The following PVT1 variants were observed in gnomAD, a reference collection of about 807,000 sequenced individuals.
The protein encoded by PVT1 is Pvt1 oncogene, also known as CXCR4/PVT1 fusion.
chr8:127,984,833 T>C (rs1816926186), intron 3 of PVT1, among the ~76,000 whole-genome samples: 1 of 120,994 alleles, frequency 8.3e-6, no homozygotes, highest in South Asian at 3.5e-4. Flanking sequence ...GTTTCTTTCT[T>C]TTCTTTTCTT....
intron 4 of PVT1, among the ~76,000 whole-genome samples, chr8:128,024,839 G>T (rs1216154300): frequency 6.8e-6 from 1 of 146,718 alleles, no homozygotes; most frequent in Non-Finnish European, 1.5e-5. Context: ...CTAGCTGCAG[G>T]TGTGCCATCT....
At chr8:128,053,234 G>A (rs2130108481) in intron 4 of PVT1, among the ~76,000 whole-genome samples, 1 of 152,170 alleles carries the variant, frequency 6.6e-6, no homozygotes, top group East Asian at 1.9e-4. Flanking sequence ...TCTTGGTTTT[G>A]TTAGATCAAC....
intron 5 of PVT1, among the ~76,000 whole-genome samples, chr8:128,072,890 G>A (rs998397615): frequency 1.3e-5 from 2 of 151,940 alleles, no homozygotes; most frequent in African/African-American, 2.4e-5. Flanking sequence ...TTGGAGTACA[G>A]TGGTGCAATC....
At chr8:127,868,968 A>T (rs914922744) in intron 2 of PVT1, among the ~76,000 whole-genome samples, 1 of 151,258 alleles carries the variant, frequency 6.6e-6, no homozygotes, top group South Asian at 2.1e-4. Flanking sequence ...GTCAATAACA[A>T]GTAGCTTAAG....
intron 4 of PVT1, among the ~76,000 whole-genome samples, chr8:128,062,855 C>T (rs937104853): frequency 2.6e-5 from 4 of 152,188 alleles, no homozygotes; most frequent in Non-Finnish European, 4.4e-5. Context: ...TTCCTTCTCC[C>T]ATCCCTCCTG....
Position 127,951,357 on chromosome 8 carries a change from G to T in PVT1, n.783-37805G>T, listed in dbSNP as rs984703563. On this transcript the variant is annotated intron_variant and non_coding_transcript_variant, in intron 3 of 10. Transcript: ENST00000651587. Reference sequence around the variant, plus strand: ...CAGCAGTGTCCACAGCCGTGTTGTTGTCATACCCGTGCACTAGCAGAGAGC... The same window carrying T: ...CAGCAGTGTCCACAGCCGTGTTGTTTTCATACCCGTGCACTAGCAGAGAGC... 3.3e-5 allele frequency among the ~76,000 whole-genome samples: 5 copies of T among 152,202 alleles called. No homozygotes were observed. The South Asian group carries it at 1.0e-3, about 31-fold the overall frequency.
At chr8:128,025,235 C>T (rs1183744581) in intron 4 of PVT1, among the ~76,000 whole-genome samples, 1 of 152,160 alleles carries the variant, frequency 6.6e-6, no homozygotes, top group Non-Finnish European at 1.5e-5. Flanking sequence ...AAGCAGGATG[C>T]CTTCCGTCAT....
chr8:127,899,389 G>A (rs1296944697), intron 3 of PVT1, among the ~76,000 whole-genome samples: 3 of 152,170 alleles, frequency 2.0e-5, no homozygotes, highest in African/African-American at 7.2e-5. Flanking sequence ...ATTTAAATTT[G>A]GAAGTCAGAC....
At chr8:127,883,373 A>G (rs777616972) in intron 2 of PVT1, among the ~76,000 whole-genome samples, 1 of 152,176 alleles carries the variant, frequency 6.6e-6, no homozygotes, top group Non-Finnish European at 1.5e-5. Flanking sequence ...GGTGTTGGGT[A>G]GGGAATAGAC....
intron 4 of PVT1, chr8:128,008,819 C>A: frequency 4.5e-6 from 2 of 440,822 alleles, no homozygotes; most frequent in Non-Finnish European, 5.1e-6. Flanking sequence ...GGGCTCCCTG[C>A]AGGTTGGGGC....
chr8:127,801,389 G>A (rs1369436562), intron 2 of PVT1, among the ~76,000 whole-genome samples: 1 of 151,854 alleles, frequency 6.6e-6, no homozygotes, highest in East Asian at 1.9e-4. Context: ...TTACAGGTGC[G>A]TGCCACCACG....
intron 2 of PVT1, among the ~76,000 whole-genome samples, chr8:127,848,948 C>T (rs1319461939): frequency 2.0e-5 from 3 of 152,140 alleles, no homozygotes; most frequent in East Asian, 3.9e-4. Flanking sequence ...GTGTGGACCA[C>T]GCTGAAGGGA....
chr8:127,803,407 G>A (rs1814491202), intron 2 of PVT1: 3 of 152,248 alleles, frequency 2.0e-5, no homozygotes, highest in South Asian at 4.1e-4. Context: ...GGGATTACAG[G>A]CGTGAGCCGC....
At chr8:127,973,698 G>A (rs1297392386) in intron 3 of PVT1, among the ~76,000 whole-genome samples, 1 of 151,444 alleles carries the variant, frequency 6.6e-6, no homozygotes, top group Non-Finnish European at 1.5e-5. Flanking sequence ...AAAAAAGAAG[G>A]CCAAACACGG....
chr8:128,066,907 C>A (rs896184647), intron 4 of PVT1, among the ~76,000 whole-genome samples: 1 of 152,188 alleles, frequency 6.6e-6, no homozygotes, highest in Non-Finnish European at 1.5e-5. Flanking sequence ...CACACCCTCC[C>A]TCAGGGGACT....
intron 2 of PVT1, among the ~76,000 whole-genome samples, chr8:127,872,549 T>C (rs922147170): frequency 3.3e-5 from 5 of 152,302 alleles, no homozygotes; most frequent in African/African-American, 1.2e-4. Context: ...AAATATCTCA[T>C]GTACCCTATA....
intron 2 of PVT1, among the ~76,000 whole-genome samples, chr8:127,865,371 G>T (rs1403555417): frequency 6.6e-6 from 1 of 152,150 alleles, no homozygotes; most frequent in Non-Finnish European, 1.5e-5. Flanking sequence ...TCTGGAACAT[G>T]GGGATGTCAT....
Position 127,870,632 on chromosome 8 carries a change from G to A in PVT1, n.373-19957G>A, listed in dbSNP as rs368440185. Among the ~76,000 whole-genome samples, 8 of 152,276 alleles carry A rather than the reference G, an allele frequency of 5.3e-5. No homozygotes were observed. In the East Asian group the frequency reaches 1.5e-3, roughly 29 times the overall value. ...GAAAGCTGAAGTATCTGTAGAACTG[G>A]CCATTTCATTCTGCATTTAGAGCTC... On this transcript the variant is annotated intron_variant and non_coding_transcript_variant, in intron 2 of 10. Coordinates refer to ENST00000651587, the Ensembl canonical transcript of PVT1.
At chr8:127,941,449 T>C (rs1195710098) in intron 3 of PVT1, among the ~76,000 whole-genome samples, 1 of 152,186 alleles carries the variant, frequency 6.6e-6, no homozygotes. Context: ...TCAGAAGGGT[T>C]GCTGTGATGA....
Sources: allele counts gnomAD v4.1 joint callset (sites outside exome capture counted in the v4.1 genomes callset), GRCh38; gene constraint gnomAD v4.1.1; transcripts MANE v1.5; gene names NCBI Gene and HGNC (gene_info 2026-07-23, HGNC 2026-07-21).